Variants in STARD3 observed in about 807,000 individuals in gnomAD.
STARD3 encodes stAR-related lipid transfer protein 3.
In STARD3, 39 loss-of-function variants were observed where a neutral mutation model predicts 62.0. That is an observed-to-expected ratio of 0.63 (90% CI 0.49 to 0.82). STARD3 has a LOEUF of 0.82. STARD3 is among the 40% of genes least tolerant of loss of function. The pLI is 0.00. For synonymous variants in STARD3, 229 were observed against 242.4 expected, an observed-to-expected ratio of 0.94 and a Z score of 0.51; for missense variants, 543 against 584.5, an observed-to-expected ratio of 0.93 and a Z score of 0.73.
chr17:39,657,676 AGGAAG>A, intron 3 of STARD3, 94 bp from the exon 4 acceptor site: 2 of 1,303,428 alleles, frequency 1.5e-6, no homozygotes, highest in Non-Finnish European at 2.2e-6. Flanking sequence ...GCATGCCCAT[AGGAAG>A]GGAACGTGGG....
At position 39,659,503 on chromosome 17, in the gene STARD3, G is replaced by A. The variant is rs1409017222; in HGVS notation, c.745G>A (p.Val249Met). The A allele has an allele frequency of 6.2e-7, 1 of 1,614,162 alleles. No homozygotes were observed. Among genetic ancestry groups the A allele is most frequent in the Non-Finnish European group, 8.5e-7 (1 of 1,180,024 alleles). The change falls in exon 9 of 15, where the codon GTG (valine) becomes ATG (methionine). Residue 249 changes from valine (V) to methionine (M), a missense_variant. By Grantham distance (21) the Val-to-Met change is conservative. Coordinates refer to ENST00000336308, the MANE Select transcript of STARD3 (RefSeq NM_006804.4). The part of the protein sequence containing the change: ...IRQGKEATAV[V>M]DQILAQEENW... ...CCAGGGGAAGGAGGCCACGGCAGTGGTGGACCAGATCTTGGCCCAGGAAGA... is the reference window on the plus strand; with the variant it reads ...CCAGGGGAAGGAGGCCACGGCAGTGATGGACCAGATCTTGGCCCAGGAAGA...
At chr17:39,652,425 A>G (rs550802534) in intron 1 of STARD3, 1 of 152,398 alleles carries the variant, frequency 6.6e-6, no homozygotes, top group South Asian at 2.1e-4. Context: ...AAACAGTGAA[A>G]TAAAACAATA....
intron 5 of STARD3, 152 bp from the exon 6 acceptor site, chr17:39,658,253 T>A: frequency 1.2e-6 from 1 of 840,700 alleles, no homozygotes; most frequent in Admixed American, 2.3e-5. Context: ...CTAACCCCAG[T>A]TTATCCTGCT....
chr17:39,663,493 C>T lies in STARD3; in HGVS notation c.*585C>T, dbSNP rs2057224597. On this transcript the variant is annotated 3_prime_UTR_variant, in exon 15 of 15. Coordinates refer to ENST00000336308, the MANE Select transcript of STARD3 (RefSeq NM_006804.4). The stretch of plus-strand genomic sequence containing the variant: ...TTAAAAAAAAAAAAAAATTCCAGCC[C>T]CTCCCACTGCCTTGCCTCTTGAGGG... The T allele has an allele frequency of 6.4e-6, 1 of 155,952 alleles. No homozygotes were observed. Among genetic ancestry groups the T allele is most frequent in the Non-Finnish European group, 1.4e-5 (1 of 70,870 alleles). The allele number at this position is 155,952 out of a possible 1,614,324, so 9.7% of individuals were successfully genotyped here. A position where few individuals can be genotyped will look rare whatever the true frequency, so the allele number is the denominator to read the frequency against.
chr17:39,657,789 C>T lies in STARD3; in HGVS notation c.312C>T (p.Phe104=). Residue 104 remains phenylalanine, a synonymous_variant, in exon 4 of 15, where the codon TTC becomes TTT. Transcript: ENST00000336308. ...TCCCCCACCAGGTCCTGGCCTTCTT[C>T]CGCTTCTCTGGACTGCTCCTAGGCT... ...SFFDIFVLAF[F]RFSGLLLGYA... is the part of the protein sequence containing the mutation. 6.2e-7 allele frequency: 1 copy of T among 1,614,196 alleles called. No homozygotes were observed. The highest frequency in any genetic ancestry group is 8.5e-7 in the Non-Finnish European group (1 of 1,180,024).
At position 39,660,773 on chromosome 17, in the gene STARD3, G is replaced by A. The variant is rs2057188084; in HGVS notation, c.955-37G>A. 1.3e-6 allele frequency: 2 copies of A among 1,546,210 alleles called. No individual in the cohort carries two copies. The highest frequency in any genetic ancestry group is 3.9e-5 in the Admixed American group (2 of 51,100). On this transcript the variant is annotated intron_variant, in intron 11 of 14. Transcript: ENST00000336308. This position sits in a 1 kb window ranked among gnomAD's most constrained non-coding sequence, Gnocchi z 4.8. ...TTCCCATCCCTGGGGTTTTCCTGGGGCGACCTGTTCCAAAAGTCTCCGTTG... is the reference window on the plus strand; with the variant it reads ...TTCCCATCCCTGGGGTTTTCCTGGGACGACCTGTTCCAAAAGTCTCCGTTG...
At chr17:39,655,336 A>T (rs974077085) in intron 2 of STARD3, among the ~76,000 whole-genome samples, 1 of 149,300 alleles carries the variant, frequency 6.7e-6, no homozygotes, top group Non-Finnish European at 1.5e-5. Context: ...CAGGTGCATG[A>T]CCACATTTGG....
At chr17:39,659,651 G>A in intron 9 of STARD3, 98 bp downstream of exon 9, 1 of 1,278,128 alleles carries the variant, frequency 7.8e-7, no homozygotes, top group Non-Finnish European at 1.1e-6. Context: ...TACATGGGTT[G>A]GAGCCATATT....
intron 1 of STARD3, among the ~76,000 whole-genome samples, chr17:39,650,550 G>A (rs1832328354): frequency 6.6e-6 from 1 of 152,200 alleles, no homozygotes; most frequent in African/African-American, 2.4e-5. Context: ...ACTCACGCCT[G>A]TAATCCCAAC....
chr17:39,647,583 C>A (rs1375552147), intron 1 of STARD3, among the ~76,000 whole-genome samples: 1 of 152,170 alleles, frequency 6.6e-6, no homozygotes. Flanking sequence ...CTGCACAGGG[C>A]AGTTCCACGC....
At chr17:39,653,886 AG>A in intron 2 of STARD3, 136 bp downstream of exon 2, 2 of 968,668 alleles carry the variant, frequency 2.1e-6, no homozygotes, top group Non-Finnish European at 3.1e-6. Flanking sequence ...GAGGAACAAC[AG>A]GGGTTCTCAT....
At chr17:39,637,559 G>A (rs1471968144) in intron 1 of STARD3, 1 of 152,216 alleles carries the variant, frequency 6.6e-6, no homozygotes, top group Non-Finnish European at 1.5e-5. Flanking sequence ...TATGGGGAGG[G>A]GTCGGAATCT....
At position 39,653,673 on chromosome 17, in the gene STARD3, G is replaced by A; in HGVS notation, c.142G>A (p.Asp48Asn). 3 of 1,614,192 alleles carry A rather than the reference G, an allele frequency of 1.9e-6. No homozygotes were observed. Among genetic ancestry groups the A allele is most frequent in the Non-Finnish European group, 2.5e-6 (3 of 1,180,044 alleles). The change falls in exon 2 of 15, where the codon GAT (aspartate) becomes AAT (asparagine). Residue 48 changes from aspartate (D) to asparagine (N), a missense_variant. By Grantham distance (23) the Asp-to-Asn change is conservative. Transcript: ENST00000336308. The part of the protein sequence containing the change: ...PPPEKRRAIS[D>N]VRRTFCLFVT... The stretch of plus-strand genomic sequence containing the variant: ...GCCTGAGAAGCGAAGGGCCATCTCT[G>A]ATGTCCGCCGCACCTTCTGTCTCTT...
At chr17:39,659,439 C>T in intron 8 of STARD3, 22 bp from the exon 9 acceptor site, 1 of 1,612,226 alleles carries the variant, frequency 6.2e-7, no homozygotes, top group Middle Eastern at 1.7e-4. Context: ...CTGACCCCTC[C>T]CTGCCTCCTG....
intron 2 of STARD3, 141 bp from the exon 3 acceptor site, chr17:39,656,867 G>C (rs919171768): frequency 8.3e-6 from 6 of 727,250 alleles, no homozygotes; most frequent in African/African-American, 1.8e-5. Flanking sequence ...GTGCTTCCAG[G>C]GCCCCCTGGG....
At position 39,654,521 on chromosome 17, in the gene STARD3, C is replaced by G. The variant is rs943322280; in HGVS notation, c.219+771C>G. 2.0e-5 allele frequency among the ~76,000 whole-genome samples: 3 copies of G among 152,134 alleles called. 1 individual carries two copies. In the South Asian group the frequency reaches 6.2e-4, roughly 32 times the overall value. ...GCCTGGAGACCAGAGCTGCCCCACC[C>G]CCACCCCACGCAGTGCTTGGCCCAC... On this transcript the variant is annotated intron_variant, in intron 2 of 14. Transcript: ENST00000336308.
At position 39,660,646 on chromosome 17, in the gene STARD3, G is replaced by T; in HGVS notation, c.954+120G>T. 1 of 1,375,322 alleles carries T rather than the reference G, an allele frequency of 7.3e-7. No individual in the cohort carries two copies. Among genetic ancestry groups the T allele is most frequent in the Non-Finnish European group, 1.0e-6 (1 of 977,472 alleles). 85.2% of individuals were successfully genotyped at this position (1,375,322 alleles called of 1,614,324 possible). ...CTGTACAGTGGGTGTGATGGTAACA[G>T]TGCCTGCTCGGGAGGGTCGGGAGGA... On this transcript the variant is annotated intron_variant, in intron 11 of 14. Coordinates refer to ENST00000336308, the MANE Select transcript of STARD3 (RefSeq NM_006804.4). The surrounding 1 kb of genome is among the most constrained non-coding windows in gnomAD (Gnocchi z 4.8).
chr17:39,640,492 G>A (rs1273215184), intron 1 of STARD3, among the ~76,000 whole-genome samples: 3 of 152,110 alleles, frequency 2.0e-5, no homozygotes, highest in East Asian at 1.9e-4. Flanking sequence ...TGCTGAAACC[G>A]GCTCCCTTCC....
intron 1 of STARD3, among the ~76,000 whole-genome samples, chr17:39,649,865 C>CAAAAAAAAA (rs10713558): frequency 1.2e-5 from 1 of 85,004 alleles, no homozygotes; most frequent in Non-Finnish European, 2.3e-5. Flanking sequence ...GACTCCGTCT[C>CAAAAAAAAA]AAAAAAAAAA....
Sources: allele counts gnomAD v4.1 joint callset (sites outside exome capture counted in the v4.1 genomes callset), GRCh38; gene constraint gnomAD v4.1.1; non-coding constraint Gnocchi (gnomAD v3.1); transcripts MANE v1.5; gene names NCBI Gene and HGNC (gene_info 2026-07-23, HGNC 2026-07-21).